AKAP10: variants seen among roughly 807,000 people sequenced by gnomAD.
The protein encoded by AKAP10 is A-kinase anchor protein 10, mitochondrial.
In AKAP10, 24 loss-of-function variants were observed where a neutral mutation model predicts 80.8. That is an observed-to-expected ratio of 0.30 (90% confidence interval 0.22 to 0.42). AKAP10 has a LOEUF of 0.42. AKAP10 is among the 10% of genes least tolerant of loss of function. The probability of loss-of-function intolerance (pLI) is 1.00; values close to 1 mark genes in which losing one functional copy is unlikely to be tolerated. For synonymous variants in AKAP10, 291 were observed against 277.7 expected (o/e 1.05, Z -0.48); for missense variants, 661 against 794.9 (o/e 0.83, Z 2.03).
At chr17:19,973,358 G>T (rs886084929) in intron 1 of AKAP10, among the ~76,000 whole-genome samples, 1 of 152,182 alleles carries the variant, frequency 6.6e-6, no homozygotes, top group Non-Finnish European at 1.5e-5. Flanking sequence ...AAAGGAGAGT[G>T]TGACAGAAAC....
chr17:19,952,713 G>A (rs1269369792), intron 4 of AKAP10, among the ~76,000 whole-genome samples: 1 of 151,978 alleles, frequency 6.6e-6, no homozygotes, highest in Non-Finnish European at 1.5e-5. Flanking sequence ...GATAAAACAG[G>A]CAATTCACCC....
At chr17:19,934,935 C>T (rs1039557452) in intron 9 of AKAP10, among the ~76,000 whole-genome samples, 12 of 152,194 alleles carry the variant, frequency 7.9e-5, no homozygotes, top group African/African-American at 2.9e-4. Flanking sequence ...TTGGTTGAAC[C>T]TGGGAGGCAG....
chr17:19,971,373 G>C (rs2043495456), intron 1 of AKAP10, among the ~76,000 whole-genome samples: 1 of 151,876 alleles, frequency 6.6e-6, no homozygotes. Flanking sequence ...GCTGGGCATG[G>C]TGGTGCATGC....
Position 19,928,848 on chromosome 17 carries a change from C to A in AKAP10, c.1641+2957G>T, listed in dbSNP as rs1038926309. On this transcript the variant is annotated intron_variant, in intron 10 of 14. Transcript: ENST00000225737. ...TTGTGCCACTGCACTCCAGCCTGGG[C>A]GACAGAGCAAGACTCCACCTCAAAT... is the stretch of plus-strand genomic sequence containing the variant. Among the ~76,000 whole-genome samples the A allele has an allele frequency of 2.6e-5, 4 of 152,136 alleles. No individual in the cohort carries two copies. In the East Asian group the frequency reaches 7.7e-4, roughly 29 times the overall value.
intron 1 of AKAP10, among the ~76,000 whole-genome samples, chr17:19,972,165 T>G (rs922787168): frequency 1.3e-5 from 2 of 152,228 alleles, no homozygotes; most frequent in African/African-American, 4.8e-5. Context: ...TTCCATGCAC[T>G]CATATAGCCA....
At chr17:19,967,595 A>G (rs1380122926) in intron 2 of AKAP10, among the ~76,000 whole-genome samples, 2 of 152,244 alleles carry the variant, frequency 1.3e-5, no homozygotes, top group Non-Finnish European at 2.9e-5. Flanking sequence ...GTAAAAGCCT[A>G]CTTATGGCCA....
chr17:19,906,934 G>A (rs1206659628), intron 14 of AKAP10, among the ~76,000 whole-genome samples: 3 of 152,118 alleles, frequency 2.0e-5, no homozygotes, highest in Non-Finnish European at 2.9e-5. Context: ...GAGGACATGA[G>A]GAACTAAAGT....
At chr17:19,934,562 T>C (rs1450014775) in intron 9 of AKAP10, among the ~76,000 whole-genome samples, 3 of 152,184 alleles carry the variant, frequency 2.0e-5, no homozygotes, top group African/African-American at 4.8e-5. Flanking sequence ...ATAATAATAG[T>C]AATAAAAGTA....
In AKAP10 at chr17:19,958,501, C is replaced by T. The variant is rs2043309750; in HGVS notation, c.390G>A (p.Leu130=). 1.4e-5 allele frequency: 23 copies of T among 1,612,710 alleles called. No individual in the cohort carries two copies. The highest frequency in any genetic ancestry group is 1.8e-5 in the Non-Finnish European group (21 of 1,180,024). ...SSLSKTLEQV[L]HDTIVLPYFI... is the part of the protein sequence containing the mutation. ...AGTAAGGGAGGACAATAGTGTCGTG[C>T]AAGACTTGTTCAAGGGTCTTAGAAA... is the stretch of plus-strand genomic sequence containing the variant. The change falls in exon 4 of 15, where the codon TTG becomes TTA. Residue 130 remains leucine, a synonymous_variant. Coordinates refer to ENST00000225737, the MANE Select transcript of AKAP10 (RefSeq NM_007202.4).
At chr17:19,936,026 A>T in intron 9 of AKAP10, 1 of 302,710 alleles carries the variant, frequency 3.3e-6, no homozygotes, top group Non-Finnish European at 6.0e-6. Flanking sequence ...ATTTTTTCTA[A>T]CTTTTGTTAT....
At chr17:19,921,422 C>CT (rs1409013906) in intron 11 of AKAP10, among the ~76,000 whole-genome samples, 2 of 151,872 alleles carry the variant, frequency 1.3e-5, no homozygotes, top group Non-Finnish European at 2.9e-5. Flanking sequence ...TCCCAAAGTG[C>CT]TGGGATTACA....
intron 1 of AKAP10, among the ~76,000 whole-genome samples, chr17:19,972,563 C>T (rs908815159): frequency 2.6e-5 from 4 of 152,100 alleles, no homozygotes; most frequent in African/African-American, 7.2e-5. Context: ...TCAGGCCATT[C>T]TCCTGCCTCA....
At position 19,906,146 on chromosome 17, in the gene AKAP10, T is replaced by C; in HGVS notation, c.*81A>G. On this transcript the variant is annotated 3_prime_UTR_variant, in exon 15 of 15. Transcript: ENST00000225737. ...ATCAGAAATATAGTGCTGTTTTCAT[T>C]GGCTGTGTTGAAGAATCCAACCAAG... 2.8e-6 allele frequency: 4 copies of C among 1,441,770 alleles called. No homozygotes were observed. The highest frequency in any genetic ancestry group is 2.9e-6 in the Non-Finnish European group (3 of 1,030,674). The allele number at this position is 1,441,770 out of a possible 1,614,324, so 89.3% of individuals were successfully genotyped here.
intron 12 of AKAP10, among the ~76,000 whole-genome samples, chr17:19,918,045 C>A (rs1159492308): frequency 6.6e-6 from 1 of 151,216 alleles, no homozygotes; most frequent in African/African-American, 2.4e-5. Flanking sequence ...CATGGTGAAA[C>A]CCTGTCTCTA....
Position 19,937,102 on chromosome 17 carries a change from C to T in AKAP10, c.1323-672G>A, listed in dbSNP as rs116201130. 4.5e-3 allele frequency among the ~76,000 whole-genome samples: 626 copies of T among 140,294 alleles called. 4 individuals are homozygous for T. The highest frequency in any genetic ancestry group is 0.015 in the African/African-American group (604 of 39,160). The allele number at this position is 140,294 out of a possible 152,430, so 92.0% of individuals were successfully genotyped here. A position where few individuals can be genotyped will look rare whatever the true frequency, so the allele number is the denominator to read the frequency against. ...TGAATACCAAAAAAAGCATTAAATGCGAGAAAAAAAAAAAGGCTCTCTTCC... is the reference window on the plus strand; with the variant it reads ...TGAATACCAAAAAAAGCATTAAATGTGAGAAAAAAAAAAAGGCTCTCTTCC... On this transcript the variant is annotated intron_variant, in intron 8 of 14. Coordinates refer to ENST00000225737, the MANE Select transcript of AKAP10 (RefSeq NM_007202.4).
At position 19,935,325 on chromosome 17, in the gene AKAP10, G is replaced by C. The variant is rs181586445; in HGVS notation, c.1467+961C>G. Among the ~76,000 whole-genome samples, 59 of 152,278 alleles carry C rather than the reference G, an allele frequency of 3.9e-4. No homozygotes were observed. The East Asian group carries it at 0.011, about 28-fold the overall frequency. ...AGGGCACTTACCATGAATGGAGCTTGCAAGACTGGAAGTTGCTCTGGGTGA... is the reference window on the plus strand; with the variant it reads ...AGGGCACTTACCATGAATGGAGCTTCCAAGACTGGAAGTTGCTCTGGGTGA... On this transcript the variant is annotated intron_variant, in intron 9 of 14. Transcript: ENST00000225737.
At position 19,977,610 on chromosome 17, in the gene AKAP10, A is replaced by T; in HGVS notation, c.70T>A (p.Ser24Thr). ...CAGCTACCTTTCCGCCGGAAGAAGG[A>T]CATGGCGGGGCCCGGGTCGGGACGG... ...TLRPDPGPAM[S>T]FFRRKVKGKE... The change falls in exon 1 of 15, where the codon TCC becomes ACC. Residue 24 changes from serine to threonine, a missense_variant. Ser to Thr is a moderately conservative substitution (Grantham distance 58). Coordinates refer to ENST00000225737, the MANE Select transcript of AKAP10 (RefSeq NM_007202.4). The T allele has an allele frequency of 8.1e-7, 1 of 1,235,024 alleles. No homozygotes were observed. The highest frequency in any genetic ancestry group is 3.1e-5 in the East Asian group (1 of 31,770). 76.5% of individuals were successfully genotyped at this position (1,235,024 alleles called of 1,614,324 possible). A position where few individuals can be genotyped will look rare whatever the true frequency, so the allele number is the denominator to read the frequency against.
At position 19,904,752 on chromosome 17, in the gene AKAP10, T is replaced by C. The variant is rs1012904296; in HGVS notation, c.*1475A>G. 6.6e-6 allele frequency: 1 copy of C among 152,066 alleles called. No individual in the cohort carries two copies. Among genetic ancestry groups the C allele is most frequent in the Non-Finnish European group, 1.5e-5 (1 of 68,006 alleles). 9.4% of individuals were successfully genotyped at this position (152,066 alleles called of 1,614,324 possible). On this transcript the variant is annotated 3_prime_UTR_variant, in exon 15 of 15. Transcript: ENST00000225737. ...CCATAAATGCCCTGAAAGCAGAAAG[T>C]TGACACAATTTTAAATAGAATTCAT...
At chr17:19,961,827 T>C (rs933561248) in intron 3 of AKAP10, among the ~76,000 whole-genome samples, 1 of 152,178 alleles carries the variant, frequency 6.6e-6, no homozygotes, top group African/African-American at 2.4e-5. Flanking sequence ...TCTAAATGGC[T>C]ACACTGAACC....
Sources: gnomAD v4.1 joint callset for allele counts (sites outside exome capture counted in the v4.1 genomes callset) on GRCh38, gnomAD v4.1.1 for gene constraint, MANE v1.5 for transcripts, NCBI Gene and HGNC (gene_info 2026-07-23, HGNC 2026-07-21) for gene names.